The following KRT4 variants were observed in gnomAD, a reference collection of about 807,000 sequenced individuals.
KRT4 encodes keratin 4, also known as keratin, type II cytoskeletal 4.
In KRT4, 47 loss-of-function variants were observed where a neutral mutation model predicts 50.6. The observed-to-expected ratio is 0.93, with a 90% confidence interval of 0.73 to 1.18. The LOEUF is 1.18. KRT4 is among the 50% of genes most tolerant of loss of function. The probability of loss-of-function intolerance (pLI) is 0.00; values close to 1 mark genes in which losing one functional copy is unlikely to be tolerated. For synonymous variants in KRT4, 254 were observed against 251.2 expected (o/e 1.01, Z -0.10); for missense variants, 651 against 645.7 (o/e 1.01, Z -0.09).
chr12:52,810,526 A>C (rs377009176), intron 3 of KRT4, among the ~76,000 whole-genome samples: 4 of 152,268 alleles, frequency 2.6e-5, no homozygotes, highest in African/African-American at 9.6e-5. Flanking sequence ...CAGCCTGGGC[A>C]AAAAGAGTGA....
At chr12:52,809,515 G>T in intron 3 of KRT4, 37 bp from the exon 4 acceptor site, 1 of 1,456,752 alleles carries the variant, frequency 6.9e-7, no homozygotes, top group East Asian at 2.3e-5. Context: ...ATGAGGAGCA[G>T]GAATGCCAGT....
At position 52,806,966 on chromosome 12, in the gene KRT4, AG is replaced by A; in HGVS notation, c.*102del. On this transcript the variant is annotated 3_prime_UTR_variant, in exon 9 of 9. Coordinates refer to ENST00000551956, the MANE Select transcript of KRT4 (RefSeq NM_002272.4). ...TGGGATAGTGGAGGGGATACTAGTA[AG>A]ATGAGCCCCAGAGACAGAGGATGGA... The A allele has an allele frequency of 8.9e-7, 1 of 1,122,760 alleles. No homozygotes were observed. The allele number at this position is 1,122,760 out of a possible 1,614,324, so 69.5% of individuals were successfully genotyped here.
In KRT4 at chr12:52,813,879, G is replaced by T; in HGVS notation, c.180C>A (p.Ser60Arg). 1 of 1,092,526 alleles carries T rather than the reference G, an allele frequency of 9.2e-7. No homozygotes were observed. Among genetic ancestry groups the T allele is most frequent in the Non-Finnish European group, 1.1e-6 (1 of 898,148 alleles). 67.7% of individuals were successfully genotyped at this position (1,092,526 alleles called of 1,614,324 possible). ...RSLYNLRGNKSISMSVAGSRQ... is the reference protein window; with the variant it reads ...RSLYNLRGNKRISMSVAGSRQ... ...GTGACCCAGCCACACTCATGGAGAT[G>T]CTTTTGTTCCCCCTGAGGTTGTAGA... The change falls in exon 1 of 9, where the codon AGC becomes AGA. Residue 60 changes from serine (S) to arginine (R), a missense_variant. Coordinates refer to ENST00000551956, the MANE Select transcript of KRT4 (RefSeq NM_002272.4).
rs1939893660 is a variant in KRT4 at position 52,810,644 on chromosome 12, A to G, written c.738+112T>C. The G allele has an allele frequency of 4.6e-6, 4 of 872,930 alleles. No homozygotes were observed. The South Asian group carries it at 5.4e-5, about 12-fold the overall frequency. The allele number at this position is 872,930 out of a possible 1,614,324, so 54.1% of individuals were successfully genotyped here. ...TGACTATATAGATCTAGATAGTTCC[A>G]AGTGAAGCAGGGATGAGGCAGAGAT... On this transcript the variant is annotated intron_variant, in intron 3 of 8. Transcript: ENST00000551956.
At chr12:52,809,510 G>T in intron 3 of KRT4, 32 bp from the exon 4 acceptor site, 1 of 1,485,308 alleles carries the variant, frequency 6.7e-7, no homozygotes, top group Non-Finnish European at 9.4e-7. Context: ...AAGAGATGAG[G>T]AGCAGGAATG....
rs267603532 is a variant in KRT4 at position 52,814,108 on chromosome 12, C to A, written c.-50G>T. 90 of 1,613,916 alleles carry A rather than the reference C, an allele frequency of 5.6e-5. No individual in the cohort carries two copies. The African/African-American group carries it at 7.5e-4, about 13-fold the overall frequency. On this transcript the variant is annotated 5_prime_UTR_variant, in exon 1 of 9. Coordinates refer to ENST00000551956, the MANE Select transcript of KRT4 (RefSeq NM_002272.4). ...TATCAGAGAAGTGACAGGGCCCAGG[C>A]CGGTGAGTGCTGGAGCCCTCAGCCT... is the stretch of plus-strand genomic sequence containing the variant.
At chr12:52,812,095 G>C (rs1289956251) in intron 1 of KRT4, 118 bp from the exon 2 acceptor site, 1 of 767,994 alleles carries the variant, frequency 1.3e-6, no homozygotes, top group Non-Finnish European at 2.3e-6. Context: ...AACCACCCAA[G>C]TAGGGCCACT....
At position 52,813,846 on chromosome 12, in the gene KRT4, AC is replaced by A. The variant is rs772518170; in HGVS notation, c.212del (p.Gly71ValfsTer88). The A allele has an allele frequency of 6.2e-7, 1 of 1,614,116 alleles. No individual in the cohort carries two copies. Among genetic ancestry groups the A allele is most frequent in the Non-Finnish European group, 8.5e-7 (1 of 1,179,914 alleles). On this transcript the variant is annotated frameshift_variant, in exon 1 of 9. Transcript: ENST00000551956. LOFTEE classifies it high-confidence loss of function. ...AGCCTCCAGCACCCCCAAAGCAGGC[AC>A]CTTGTCGTGACCCAGCCACACTCAT... ...ISMSVAGSRQ[G>X]ACFGGAGGFG... is the part of the protein sequence containing the mutation.
At chr12:52,808,257 T>C (rs1939836951) in intron 6 of KRT4, 37 bp downstream of exon 6, 1 of 1,612,898 alleles carries the variant, frequency 6.2e-7, no homozygotes, top group African/African-American at 1.3e-5. Flanking sequence ...CTGAGGCCCC[T>C]GGCCTTGTGC....
intron 4 of KRT4, 136 bp from the exon 5 acceptor site, chr12:52,808,986 GT>G (rs1939859070): frequency 1.0e-6 from 1 of 974,152 alleles, no homozygotes; most frequent in Non-Finnish European, 1.6e-6. Context: ...GAGAAATCAA[GT>G]GGTTGTGACA....
intron 1 of KRT4, among the ~76,000 whole-genome samples, chr12:52,812,604 C>A (rs1939932027): frequency 6.6e-6 from 1 of 152,056 alleles, no homozygotes; most frequent in African/African-American, 2.4e-5. Flanking sequence ...ATGTTATGAG[C>A]CTCAGAATTG....
At position 52,808,877 on chromosome 12, in the gene KRT4, C is replaced by G. The variant is rs138452989; in HGVS notation, c.835-27G>C. 6,813 of 1,613,682 alleles carry G rather than the reference C, an allele frequency of 4.2e-3. 27 individuals are homozygous for G. Among genetic ancestry groups the G allele is most frequent in the Middle Eastern group, 0.016 (95 of 6,060 alleles). ...TGCAGGGCAAATGTCTCACATCAGC[C>G]CCCCCAGGAAAGCCTTCACTGACCT... On this transcript the variant is annotated intron_variant, in intron 4 of 8. Coordinates refer to ENST00000551956, the MANE Select transcript of KRT4 (RefSeq NM_002272.4).
intron 6 of KRT4, 66 bp from the exon 7 acceptor site, chr12:52,807,930 C>A: frequency 7.2e-7 from 1 of 1,396,228 alleles, no homozygotes; most frequent in Non-Finnish European, 1.0e-6. Flanking sequence ...ACACCTGTCC[C>A]CTCCCCTGGT....
rs760601766 is a variant in KRT4 at position 52,807,240 on chromosome 12, G to T, written c.1392C>A (p.Ser464Arg). 1 of 1,614,140 alleles carries T rather than the reference G, an allele frequency of 6.2e-7. No homozygotes were observed. The highest frequency in any genetic ancestry group is 2.2e-5 in the East Asian group (1 of 44,886). Residue 464 changes from serine (S) to arginine (R), a missense_variant, in exon 9 of 9, where the codon AGC becomes AGA. By Grantham distance (110) the Ser-to-Arg change is moderately radical. Transcript: ENST00000551956. ...TGATGCCTCCAGTGCTGGTGCTACC[G>T]CTGACCACAGCTGCAGAAAAGACAC... ...CQSAVSISVV[S>R]GSTSTGGISG...
At chr12:52,808,581 C>A in intron 5 of KRT4, 105 bp downstream of exon 5, 1 of 1,490,880 alleles carries the variant, frequency 6.7e-7, no homozygotes, top group South Asian at 1.1e-5. Context: ...AGAGTCTGTT[C>A]ATATCTGACT....
In KRT4 at chr12:52,807,771, C is replaced by A. The variant is rs1445050793; in HGVS notation, c.1219G>T (p.Ala407Ser). ...AHSKRVELEA[A>S]LQQAKEELAR... Reference sequence around the variant, plus strand: ...AGCTCCTCCTTGGCCTGCTGCAGGGCAGCCTCCAGCTCTACGCGCTTGCTG... The same window carrying A: ...AGCTCCTCCTTGGCCTGCTGCAGGGAAGCCTCCAGCTCTACGCGCTTGCTG... The change falls in exon 7 of 9, where the codon GCC (alanine) becomes TCC (serine). Residue 407 changes from alanine (A) to serine (S), a missense_variant. Ala to Ser is a moderately conservative substitution (Grantham distance 99). Transcript: ENST00000551956. 1.2e-6 allele frequency: 2 copies of A among 1,614,106 alleles called. No homozygotes were observed. Among genetic ancestry groups the A allele is most frequent in the African/African-American group, 1.3e-5 (1 of 74,946 alleles).
chr12:52,807,906 C>G lies in KRT4; in HGVS notation c.1126-42G>C, dbSNP rs752062852. 1.9e-5 allele frequency: 29 copies of G among 1,549,756 alleles called. No individual in the cohort carries two copies. The African/African-American group carries it at 3.2e-4, about 17-fold the overall frequency. On this transcript the variant is annotated intron_variant, in intron 6 of 8. Transcript: ENST00000551956. ...TAGATAGGTGGTCAGCAGTGCCCTG[C>G]CTTCAAGGCCTCTACACCTGTCCCC... is the stretch of plus-strand genomic sequence containing the variant.
chr12:52,810,916 A>G (rs1309041819), intron 2 of KRT4, 100 bp from the exon 3 acceptor site: 1 of 942,722 alleles, frequency 1.1e-6, no homozygotes, highest in Non-Finnish European at 1.7e-6. Flanking sequence ...ACAAATTTGG[A>G]AATATCCACG....
chr12:52,808,751 G>C lies in KRT4; in HGVS notation c.934C>G (p.Arg312Gly), dbSNP rs777164013. The change falls in exon 5 of 9, where the codon CGT becomes GGT. Residue 312 changes from arginine (R) to glycine (G), a missense_variant. Coordinates refer to ENST00000551956, the MANE Select transcript of KRT4 (RefSeq NM_002272.4). ...LDLDSIIAEV[R>G]AQYEEIAQRS... ...TGGGCAATCTCCTCGTACTGGGCAC[G>C]GACCTCGGCAATAATGCTGTCCAGG... The C allele has an allele frequency of 1.2e-6, 2 of 1,614,160 alleles. No individual in the cohort carries two copies.
Sources: allele counts gnomAD v4.1 joint callset (sites outside exome capture counted in the v4.1 genomes callset), GRCh38; gene constraint gnomAD v4.1.1; transcripts MANE v1.5; gene names NCBI Gene and HGNC (gene_info 2026-07-23, HGNC 2026-07-21).